MEIS1: variants seen among roughly 807,000 people sequenced by gnomAD.
MEIS1 encodes homeobox protein Meis1.
Under a neutral mutation model 50.8 loss-of-function variants are expected in MEIS1, and 5 were observed. That is an observed-to-expected ratio of 0.10 (90% confidence interval 0.05 to 0.21). MEIS1 has a LOEUF of 0.21. MEIS1 is among the 10% of genes least tolerant of loss of function. The pLI is 1.00. For synonymous variants in MEIS1, 176 were observed against 179.3 expected (o/e 0.98, Z 0.15); for missense variants, 318 against 517.3 (o/e 0.61, Z 3.74).
Position 66,462,896 on chromosome 2 carries a change from A to G in MEIS1, c.631-1213A>G, listed in dbSNP as rs190767264. Among the ~76,000 whole-genome samples the G allele has an allele frequency of 3.3e-5, 5 of 152,192 alleles. No homozygotes were observed. The East Asian group carries it at 7.7e-4, about 24-fold the overall frequency. Reference sequence around the variant, plus strand: ...AGGCTGCATTAATCTTCTGGCCAAGATTATAGAATAAGTGACAGTGATGCA... The same window carrying G: ...AGGCTGCATTAATCTTCTGGCCAAGGTTATAGAATAAGTGACAGTGATGCA... On this transcript the variant is annotated intron_variant, in intron 6 of 12. Transcript: ENST00000272369.
intron 6 of MEIS1, among the ~76,000 whole-genome samples, chr2:66,462,169 C>CT (rs1251995121): frequency 1.3e-5 from 2 of 152,146 alleles, no homozygotes; most frequent in African/African-American, 4.8e-5. Context: ...TCTAAGTCAC[C>CT]TTTTTGGAGT....
intron 2 of MEIS1, chr2:66,439,091 T>C (rs1487822984): frequency 6.4e-6 from 1 of 155,736 alleles, no homozygotes; most frequent in African/African-American, 2.4e-5. Context: ...TTTTTTTTTT[T>C]TTTTTCTTTT....
chr2:66,538,027 C>T (rs1301178699), intron 8 of MEIS1, among the ~76,000 whole-genome samples: 2 of 152,100 alleles, frequency 1.3e-5, no homozygotes, highest in East Asian at 3.9e-4. Context: ...TCTTCTTTAT[C>T]CTTTCTTCTG....
chr2:66,569,003 C>T, intron 11 of MEIS1, 47 bp from the exon 12 acceptor site: 6 of 1,549,122 alleles, frequency 3.9e-6, no homozygotes, highest in Non-Finnish European at 5.4e-6. Flanking sequence ...TATCTGTTGA[C>T]TTTGCTCATT....
intron 8 of MEIS1, among the ~76,000 whole-genome samples, chr2:66,516,194 T>C (rs1673964040): frequency 6.6e-6 from 1 of 152,188 alleles, no homozygotes; most frequent in African/African-American, 2.4e-5. Flanking sequence ...AGAAAAGCGC[T>C]TAATGTGGTT....
chr2:66,484,617 G>T (rs1379024639), intron 7 of MEIS1, among the ~76,000 whole-genome samples: 1 of 151,872 alleles, frequency 6.6e-6, no homozygotes, highest in Non-Finnish European at 1.5e-5. Flanking sequence ...GGAGTGCAAT[G>T]GCACAATTTT....
intron 7 of MEIS1, among the ~76,000 whole-genome samples, chr2:66,476,647 C>T (rs1672899434): frequency 6.6e-6 from 1 of 152,126 alleles, no homozygotes; most frequent in Non-Finnish European, 1.5e-5. Flanking sequence ...CAGCACCTGC[C>T]TGGCATCGGA....
chr2:66,532,462 A>T lies in MEIS1; in HGVS notation c.889-15481A>T, dbSNP rs1440954508. On this transcript the variant is annotated intron_variant, in intron 8 of 12. Coordinates refer to ENST00000272369, the MANE Select transcript of MEIS1 (RefSeq NM_002398.3). ...CACAAGGCCCTCTGACACTCACCCC[A>T]ATTGTGCCTTCTTAAAATAGGGGTA... 4.1e-4 allele frequency among the ~76,000 whole-genome samples: 63 copies of T among 152,196 alleles called. 1 individual carries two copies. The highest frequency in any genetic ancestry group is 1.3e-3 in the African/African-American group (55 of 41,526).
intron 8 of MEIS1, among the ~76,000 whole-genome samples, chr2:66,534,528 T>C (rs1674473096): frequency 6.9e-6 from 1 of 145,090 alleles, no homozygotes; most frequent in African/African-American, 2.5e-5. Context: ...AGTGAGACTC[T>C]GTCTTAAAAA....
chr2:66,440,091 A>ACACACACACC, intron 3 of MEIS1, 107 bp downstream of exon 3: 6 of 1,054,478 alleles, frequency 5.7e-6, no homozygotes, highest in Non-Finnish European at 8.0e-6. Flanking sequence ...ACACACACAC[A>ACACACACACC]CGGCACACTT....
At position 66,547,824 on chromosome 2, in the gene MEIS1, T is replaced by A. The variant is rs542084267; in HGVS notation, c.889-119T>A. ...ATTAGATGATGTAGTATTCCATTAA[T>A]AAGAGTGACACACCTCAGCATTTTT... On this transcript the variant is annotated intron_variant, in intron 8 of 12. Transcript: ENST00000272369. 1.3e-5 allele frequency: 11 copies of A among 865,584 alleles called. No individual in the cohort carries two copies. The South Asian group carries it at 1.7e-4, about 13-fold the overall frequency. The allele number at this position is 865,584 out of a possible 1,614,324, so 53.6% of individuals were successfully genotyped here.
intron 8 of MEIS1, among the ~76,000 whole-genome samples, chr2:66,519,416 G>A (rs897083357): frequency 2.0e-5 from 3 of 152,084 alleles, no homozygotes; most frequent in African/African-American, 7.2e-5. Context: ...CTTGTGCAGA[G>A]TCCGGAGTGT....
At chr2:66,514,040 T>A (rs542732019) in intron 8 of MEIS1, among the ~76,000 whole-genome samples, 1 of 152,334 alleles carries the variant, frequency 6.6e-6, no homozygotes, top group Admixed American at 6.5e-5. Context: ...CTGTGTGGAA[T>A]GAGTTGGTGT....
intron 8 of MEIS1, among the ~76,000 whole-genome samples, chr2:66,527,560 T>TGGCTCTG (rs1674281223): frequency 6.6e-6 from 1 of 151,748 alleles, no homozygotes; most frequent in African/African-American, 2.4e-5. Context: ...GAGATCTCTG[T>TGGCTCTG]GGCTCTGATA....
chr2:66,523,399 A>G (rs2103877432), intron 8 of MEIS1, among the ~76,000 whole-genome samples: 1 of 152,196 alleles, frequency 6.6e-6, no homozygotes, highest in East Asian at 1.9e-4. Context: ...AGACAATAAT[A>G]TTTTTAAGTA....
At chr2:66,491,118 A>G (rs994849047) in intron 7 of MEIS1, among the ~76,000 whole-genome samples, 5 of 152,194 alleles carry the variant, frequency 3.3e-5, no homozygotes, top group East Asian at 1.9e-4. Context: ...GCCTAGTCCA[A>G]TGCAACTACA....
intron 7 of MEIS1, among the ~76,000 whole-genome samples, chr2:66,479,375 C>T (rs1370201349): frequency 1.3e-5 from 2 of 152,076 alleles, no homozygotes; most frequent in African/African-American, 4.8e-5. Context: ...TCTTAATTTA[C>T]CTTTATTTGG....
intron 7 of MEIS1, among the ~76,000 whole-genome samples, chr2:66,504,086 G>A (rs1050236616): frequency 2.4e-4 from 36 of 151,840 alleles, no homozygotes; most frequent in African/African-American, 8.5e-4. Flanking sequence ...ACCCTTTAGC[G>A]GAGGAGGGGG....
chr2:66,535,313 A>G (rs1674491494), intron 8 of MEIS1, among the ~76,000 whole-genome samples: 1 of 152,112 alleles, frequency 6.6e-6, no homozygotes, highest in East Asian at 1.9e-4. Flanking sequence ...TTGGCAAAAT[A>G]TAATAAAACC....
Sources: gnomAD v4.1 joint callset for allele counts (sites outside exome capture counted in the v4.1 genomes callset) on GRCh38, gnomAD v4.1.1 for gene constraint, MANE v1.5 for transcripts, NCBI Gene and HGNC (gene_info 2026-07-23, HGNC 2026-07-21) for gene names.